CADPS: variants seen among roughly 807,000 people sequenced by gnomAD.
CADPS encodes calcium-dependent secretion activator 1.
In CADPS, 57 loss-of-function variants were observed where a neutral mutation model predicts 167.3. The ratio of observed to expected loss-of-function variants is 0.34; its 90% CI spans 0.28 to 0.42. The LOEUF is 0.42. CADPS is among the 20% of genes least tolerant of loss of function. CADPS has a pLI of 1.00. For synonymous variants in CADPS, 676 were observed against 635.3 expected, an observed-to-expected ratio of 1.06 and a Z score of -0.96; for missense variants, 1,414 against 1,738.1, an observed-to-expected ratio of 0.81 and a Z score of 3.32.
At chr3:62,406,222 T>C (rs1708443293) in intron 28 of CADPS, among the ~76,000 whole-genome samples, 1 of 152,200 alleles carries the variant, frequency 6.6e-6, no homozygotes, top group South Asian at 2.1e-4. Flanking sequence ...GGGGATTTTT[T>C]CATCATGGGA....
chr3:62,577,306 C>G (rs895701590), intron 8 of CADPS, among the ~76,000 whole-genome samples: 1 of 152,130 alleles, frequency 6.6e-6, no homozygotes, highest in African/African-American at 2.4e-5. Flanking sequence ...TTGGAATTTT[C>G]AAGTATACAA....
chr3:62,419,128 A>G (rs561869381), intron 28 of CADPS, among the ~76,000 whole-genome samples: 1 of 152,310 alleles, frequency 6.6e-6, no homozygotes, highest in South Asian at 2.1e-4. Context: ...GAGAAAAGGA[A>G]TGGCTCTCTT....
At chr3:62,814,592 A>C (rs1177361505) in intron 1 of CADPS, 4 of 152,124 alleles carry the variant, frequency 2.6e-5, no homozygotes, top group African/African-American at 7.2e-5. Flanking sequence ...ATGGGTTTAT[A>C]AATTTCCACA....
At chr3:62,813,424 CA>C (rs1226242299) in intron 1 of CADPS, among the ~76,000 whole-genome samples, 12 of 119,876 alleles carry the variant, frequency 1.0e-4, no homozygotes, top group African/African-American at 5.7e-4. Context: ...GCAGAAGAAC[CA>C]AACTGGACCC....
rs2083076241 is a variant in CADPS, at chr3:62,753,166, C to T, written c.888+275G>A. ...TTTGACACGTGGAAAACAAGCCTTACTCATAGGGCCAACTTACCCATTAGA... is the reference window on the plus strand; with the variant it reads ...TTTGACACGTGGAAAACAAGCCTTATTCATAGGGCCAACTTACCCATTAGA... On this transcript the variant is annotated intron_variant, in intron 3 of 29. Transcript: ENST00000383710. The surrounding 1 kb of genome is among the most constrained non-coding windows in gnomAD (Gnocchi z 4.6). Among the ~76,000 whole-genome samples the T allele has an allele frequency of 6.6e-6, 1 of 152,178 alleles. No individual in the cohort carries two copies. Among genetic ancestry groups the T allele is most frequent in the Non-Finnish European group, 1.5e-5 (1 of 68,034 alleles).
At chr3:62,760,213 T>A (rs1207345904) in intron 2 of CADPS, among the ~76,000 whole-genome samples, 1 of 152,102 alleles carries the variant, frequency 6.6e-6, no homozygotes, top group African/African-American at 2.4e-5. Flanking sequence ...TATTAATATA[T>A]TCTAACCTTA....
chr3:62,469,602 G>C (rs902364428), intron 24 of CADPS: 3 of 153,544 alleles, frequency 2.0e-5, no homozygotes, highest in African/African-American at 7.2e-5. Flanking sequence ...CCACCTGCCG[G>C]GTTCAAGTGA....
chr3:62,822,005 A>G (rs2152936647), intron 1 of CADPS, among the ~76,000 whole-genome samples: 1 of 152,274 alleles, frequency 6.6e-6, no homozygotes, highest in Non-Finnish European at 1.5e-5. Context: ...AACATGCTTC[A>G]TCTCATGACC....
intron 13 of CADPS, among the ~76,000 whole-genome samples, chr3:62,531,378 G>A (rs962084781): frequency 3.3e-5 from 5 of 152,112 alleles, no homozygotes; most frequent in Admixed American, 6.6e-5. Flanking sequence ...AAAAGGTCAC[G>A]TGCTGGGCTA....
intron 2 of CADPS, among the ~76,000 whole-genome samples, chr3:62,755,164 T>C (rs2083565723): frequency 6.6e-6 from 1 of 152,176 alleles, no homozygotes; most frequent in Non-Finnish European, 1.5e-5. Context: ...CAATGGGTAG[T>C]CTTTTTACTT....
At chr3:62,685,673 T>G (rs2077873862) in intron 3 of CADPS, among the ~76,000 whole-genome samples, 1 of 127,724 alleles carries the variant, frequency 7.8e-6, no homozygotes, top group African/African-American at 2.9e-5. Context: ...TGGAAGATAA[T>G]TTTTTCATCG....
chr3:62,632,853 G>A (rs908111443), intron 6 of CADPS, among the ~76,000 whole-genome samples: 17 of 151,996 alleles, frequency 1.1e-4, no homozygotes, highest in African/African-American at 3.9e-4. Context: ...CTGCTAAAGT[G>A]GAAAAAGAAC....
At chr3:62,776,304 A>G (rs1057321595) in intron 1 of CADPS, among the ~76,000 whole-genome samples, 19 of 152,198 alleles carry the variant, frequency 1.2e-4, no homozygotes, top group African/African-American at 4.6e-4. Flanking sequence ...GCTTTAATTC[A>G]AAGAATGGTG....
intron 17 of CADPS, among the ~76,000 whole-genome samples, chr3:62,506,567 G>T (rs1032883133): frequency 6.6e-6 from 1 of 152,202 alleles, no homozygotes; most frequent in African/African-American, 2.4e-5. Flanking sequence ...TATAAGAAAA[G>T]TGAGCTTAAT....
intron 6 of CADPS, among the ~76,000 whole-genome samples, chr3:62,624,289 G>C (rs75894794): frequency 0.016 from 2,405 of 152,160 alleles, 64 homozygotes; most frequent in African/African-American, 0.054. Flanking sequence ...TACAATGTTT[G>C]GGCCCTAAAT....
At chr3:62,590,790 G>A (rs1011197794) in intron 7 of CADPS, among the ~76,000 whole-genome samples, 15 of 152,190 alleles carry the variant, frequency 9.9e-5, no homozygotes, top group African/African-American at 2.9e-4. Context: ...CTGAGATCAC[G>A]TAGCTTTCAG....
intron 7 of CADPS, among the ~76,000 whole-genome samples, chr3:62,588,053 C>T (rs777264827): frequency 3.9e-5 from 6 of 152,116 alleles, no homozygotes; most frequent in Non-Finnish European, 7.3e-5. Flanking sequence ...CTGATGTGGC[C>T]GCCACGACCC....
rs76963716 is a variant in CADPS, at chr3:62,556,805, G to T, written c.1753+600C>A. Among the ~76,000 whole-genome samples the T allele has an allele frequency of 5.2e-3, 797 of 151,846 alleles. 2 individuals carry two copies. The highest frequency in any genetic ancestry group is 8.8e-3 in the Non-Finnish European group (601 of 67,988). ...CGTGTAGTTTTCTTAGCTACATAAGGCTTAAGGGCTTCATTGTCTCTGCTT... is the reference window on the plus strand; with the variant it reads ...CGTGTAGTTTTCTTAGCTACATAAGTCTTAAGGGCTTCATTGTCTCTGCTT... On this transcript the variant is annotated intron_variant, in intron 10 of 29. Coordinates refer to ENST00000383710, the MANE Select transcript of CADPS (RefSeq NM_003716.4).
At chr3:62,436,738 A>T (rs1177493031) in intron 28 of CADPS, among the ~76,000 whole-genome samples, 1 of 152,200 alleles carries the variant, frequency 6.6e-6, no homozygotes, top group Non-Finnish European at 1.5e-5. Flanking sequence ...TTGACATGAG[A>T]GATAAGTTCC....
Sources: allele counts gnomAD v4.1 joint callset (sites outside exome capture counted in the v4.1 genomes callset), GRCh38; gene constraint gnomAD v4.1.1; non-coding constraint Gnocchi (gnomAD v3.1); transcripts MANE v1.5; gene names NCBI Gene and HGNC (gene_info 2026-07-23, HGNC 2026-07-21).